Variants in SLC16A12 observed in about 807,000 individuals in gnomAD.
SLC16A12 encodes solute carrier family 16 member 12.
A neutral mutation model predicts 42.4 loss-of-function variants in SLC16A12; 17 were observed. The ratio of observed to expected loss-of-function variants is 0.40; its 90% CI spans 0.27 to 0.60. SLC16A12 has a LOEUF of 0.60. Ranked by LOEUF, SLC16A12 falls within the 20% of genes least tolerant of loss-of-function variation. SLC16A12 has a pLI of 0.42. For missense variants in SLC16A12, 544 were observed against 623.0 expected, an observed-to-expected ratio of 0.87 and a Z score of 1.35; for synonymous variants, 224 against 229.4, an observed-to-expected ratio of 0.98 and a Z score of 0.21.
intron 2 of SLC16A12, among the ~76,000 whole-genome samples, chr10:89,486,601 AAAAAAGAAAGAAAGAAAGAAAG>A (rs1564585748): frequency 6.1e-5 from 8 of 130,886 alleles, no homozygotes; most frequent in Admixed American, 3.2e-4. Flanking sequence ...CAAAAAAAAA[AAAAAAGAAAGAAAGAAAGAAAG>A]AAAGAAAGAA....
chr10:89,515,933 T>C (rs181034187), intron 2 of SLC16A12, among the ~76,000 whole-genome samples: 7 of 152,292 alleles, frequency 4.6e-5, no homozygotes, highest in Admixed American at 6.5e-5. Flanking sequence ...TTATATCTTA[T>C]AAATATGGTC....
chr10:89,536,116 C>T (rs533941681), upstream of SLC16A12, among the ~76,000 whole-genome samples: 4 of 152,336 alleles, frequency 2.6e-5, no homozygotes, highest in East Asian at 7.7e-4. Flanking sequence ...GACTGCCGGA[C>T]CCTCCCCGGG....
At chr10:89,511,329 C>A (rs928374872) in intron 2 of SLC16A12, among the ~76,000 whole-genome samples, 2 of 152,280 alleles carry the variant, frequency 1.3e-5, no homozygotes, top group African/African-American at 2.4e-5. Flanking sequence ...TGATACCAAC[C>A]CAAATGCCCA....
rs374359325 is a variant in SLC16A12, at chr10:89,486,591, CAAAAAAAAA to C, written c.-46-23976_-46-23968del. On this transcript the variant is annotated intron_variant, in intron 2 of 7. Coordinates refer to ENST00000371790, the MANE Select transcript of SLC16A12 (RefSeq NM_213606.4). ...TAGGTGACAGAGTGAAACCTTGTCT[CAAAAAAAAA>C]AAAAAAGAAAGAAAGAAAGAAAGAA... is the stretch of plus-strand genomic sequence containing the variant. 6.6e-3 allele frequency among the ~76,000 whole-genome samples: 284 copies of C among 42,846 alleles called. 10 individuals carry two copies. In the Admixed American group the frequency reaches 0.076, roughly 11 times the overall value. 28.1% of individuals were successfully genotyped at this position (42,846 alleles called of 152,430 possible).
At chr10:89,479,843 G>A (rs894688571) in intron 2 of SLC16A12, among the ~76,000 whole-genome samples, 3 of 152,116 alleles carry the variant, frequency 2.0e-5, no homozygotes, top group Non-Finnish European at 1.5e-5. Context: ...TATATATCAC[G>A]ATAGTGTTGG....
chr10:89,490,665 A>G (rs1387829881), intron 2 of SLC16A12, among the ~76,000 whole-genome samples: 1 of 152,204 alleles, frequency 6.6e-6, no homozygotes, highest in East Asian at 1.9e-4. Flanking sequence ...TAGCAACTCC[A>G]TGTGTTCACC....
chr10:89,487,508 A>G (rs947660202), intron 2 of SLC16A12, among the ~76,000 whole-genome samples: 1 of 152,072 alleles, frequency 6.6e-6, no homozygotes, highest in Non-Finnish European at 1.5e-5. Flanking sequence ...CCCAAAGGAA[A>G]AGAAATTGTT....
chr10:89,513,777 A>C (rs1040015972), intron 2 of SLC16A12, among the ~76,000 whole-genome samples: 36 of 152,220 alleles, frequency 2.4e-4, no homozygotes, highest in African/African-American at 7.5e-4. Context: ...CTGACCCCAA[A>C]GAAACCATTT....
rs1589692702 is a variant in SLC16A12, at chr10:89,479,028, A to G, written c.-46-16404T>C. On this transcript the variant is annotated intron_variant, in intron 2 of 7. Coordinates refer to ENST00000371790, the MANE Select transcript of SLC16A12 (RefSeq NM_213606.4). Reference sequence around the variant, plus strand: ...TTGTTCAGCCCTGACTCTACCTCTTACTTATGGACTGACCTTATTTAGACT... The same window carrying G: ...TTGTTCAGCCCTGACTCTACCTCTTGCTTATGGACTGACCTTATTTAGACT... 2.0e-5 allele frequency among the ~76,000 whole-genome samples: 3 copies of G among 152,192 alleles called. No individual in the cohort carries two copies. In the East Asian group the frequency reaches 5.8e-4, roughly 29 times the overall value.
chr10:89,474,081 T>C (rs1211785592), intron 2 of SLC16A12, among the ~76,000 whole-genome samples: 2 of 152,204 alleles, frequency 1.3e-5, no homozygotes, highest in African/African-American at 4.8e-5. Context: ...TCAAATTCCT[T>C]TCTTCCACAC....
At chr10:89,493,471 C>CT (rs750039109) in intron 2 of SLC16A12, among the ~76,000 whole-genome samples, 1 of 152,208 alleles carries the variant, frequency 6.6e-6, no homozygotes, top group African/African-American at 2.4e-5. Context: ...AATCCGCCCA[C>CT]TTTGGCCTCC....
chr10:89,545,725 T>C (rs1417567967), intron 2 of SLC16A12, among the ~76,000 whole-genome samples: 2 of 152,226 alleles, frequency 1.3e-5, no homozygotes, highest in African/African-American at 4.8e-5. Flanking sequence ...GAATTTCATA[T>C]GGAATCAAAG....
intron 3 of SLC16A12, among the ~76,000 whole-genome samples, chr10:89,451,774 G>A (rs12219764): frequency 0.13 from 19,608 of 152,140 alleles, 1,381 homozygotes; most frequent in South Asian, 0.31. Context: ...GCGGAGATAC[G>A]TGCAATATGT....
intron 2 of SLC16A12, among the ~76,000 whole-genome samples, chr10:89,504,806 T>A (rs1160626291): frequency 1.3e-5 from 2 of 152,100 alleles, no homozygotes; most frequent in South Asian, 4.1e-4. Context: ...CTGATTACAA[T>A]GTTTCTAGAG....
Position 89,462,976 on chromosome 10 carries a change from T to C in SLC16A12, c.-46-352A>G, listed in dbSNP as rs555724490. The C allele has an allele frequency of 1.9e-4, 35 of 185,900 alleles. 1 individual carries two copies. In the South Asian group the frequency reaches 3.8e-3, roughly 20 times the overall value. The allele number at this position is 185,900 out of a possible 1,614,324, so 11.5% of individuals were successfully genotyped here. A position where few individuals can be genotyped will look rare whatever the true frequency, so the allele number is the denominator to read the frequency against. On this transcript the variant is annotated intron_variant, in intron 2 of 7. Coordinates refer to ENST00000371790, the MANE Select transcript of SLC16A12 (RefSeq NM_213606.4). Reference sequence around the variant, plus strand: ...ATCAACTCAAAGGCAAAGGTACTTTTTGAGGACTTCCAGCACCCTCTTCCA... The same window carrying C: ...ATCAACTCAAAGGCAAAGGTACTTTCTGAGGACTTCCAGCACCCTCTTCCA...
intron 1 of SLC16A12, 40 bp downstream of exon 1, chr10:89,535,402 C>G (rs972835248): frequency 1.3e-5 from 2 of 153,376 alleles, no homozygotes; most frequent in East Asian, 3.8e-4. Context: ...GCCAGCGCCC[C>G]GCCGTCCCGC....
rs115518496 is a variant in SLC16A12, at chr10:89,524,647, T to C, written c.-47+9854A>G. ...TATGGGACTCATTCCAATGCTGTGATACTTTGTACACACACTTGTGTGTAC... is the reference window on the plus strand; with the variant it reads ...TATGGGACTCATTCCAATGCTGTGACACTTTGTACACACACTTGTGTGTAC... On this transcript the variant is annotated intron_variant, in intron 2 of 7. Coordinates refer to ENST00000371790, the MANE Select transcript of SLC16A12 (RefSeq NM_213606.4). Among the ~76,000 whole-genome samples, 1,232 of 152,322 alleles carry C rather than the reference T, an allele frequency of 8.1e-3. 21 individuals are homozygous for C. The highest frequency in any genetic ancestry group is 0.027 in the African/African-American group (1,123 of 41,572).
At chr10:89,532,267 T>C (rs1843567320) in intron 2 of SLC16A12, among the ~76,000 whole-genome samples, 1 of 152,100 alleles carries the variant, frequency 6.6e-6, no homozygotes, top group Admixed American at 6.5e-5. Flanking sequence ...ATGTATCTGA[T>C]GGGGCACAGT....
Position 89,431,794 on chromosome 10 carries a change from T to A in SLC16A12, c.*1270A>T, listed in dbSNP as rs1358366698. On this transcript the variant is annotated 3_prime_UTR_variant, in exon 8 of 8. Coordinates refer to ENST00000371790, the MANE Select transcript of SLC16A12 (RefSeq NM_213606.4). ...CTTTTTCTTCCCTCCATGCCTTCCC[T>A]CTTCAATCTGAAGACTCAGAAATTA... The A allele has an allele frequency of 6.6e-6, 1 of 152,220 alleles. No homozygotes were observed. The highest frequency in any genetic ancestry group is 1.5e-5 in the Non-Finnish European group (1 of 68,030). The allele number at this position is 152,220 out of a possible 1,614,324, so 9.4% of individuals were successfully genotyped here.
Sources: gnomAD v4.1 joint callset for allele counts (sites outside exome capture counted in the v4.1 genomes callset) on GRCh38, gnomAD v4.1.1 for gene constraint, MANE v1.5 for transcripts, NCBI Gene and HGNC (gene_info 2026-07-23, HGNC 2026-07-21) for gene names.